The following MTOR variants were observed in gnomAD, a reference collection of about 807,000 sequenced individuals.
The protein encoded by MTOR is mechanistic target of rapamycin kinase.
A neutral mutation model predicts 319.8 loss-of-function variants in MTOR; 70 were observed. That is an observed-to-expected ratio of 0.22 (90% CI 0.18 to 0.27). The LOEUF (loss-of-function observed/expected upper bound fraction) is 0.27, where lower values mean the gene tolerates loss of function less well. Among genes scored for constraint, MTOR ranks in the 10% least tolerant of loss-of-function variants. The probability of loss-of-function intolerance (pLI) is 1.00; values close to 1 mark genes in which losing one functional copy is unlikely to be tolerated. For synonymous variants in MTOR, 1,183 were observed against 1,211.4 expected (o/e 0.98, Z 0.49); for missense variants, 1,890 against 3,274.4 (o/e 0.58, Z 10.32).
Position 11,209,452 on chromosome 1 carries a change from T to C in MTOR, c.3661A>G (p.Thr1221Ala), listed in dbSNP as rs964046734. ...GGATCCTCCTCTTCATCAGCAAGTG[T>C]GTATCCCTACAACCAAAGATTTATA... ...VLICRIVKGY[T>A]LADEEEDPLI... The change falls in exon 25 of 58, where the codon ACA becomes GCA. Residue 1221 changes from threonine (T) to alanine (A), a missense_variant. Thr to Ala is a moderately conservative substitution (Grantham distance 58). Coordinates refer to ENST00000361445, the MANE Select transcript of MTOR (RefSeq NM_004958.4). 2 of 1,614,034 alleles carry C rather than the reference T, an allele frequency of 1.2e-6. No homozygotes were observed. Among genetic ancestry groups the C allele is most frequent in the African/African-American group, 1.3e-5 (1 of 74,928 alleles).
At chr1:11,122,497 G>A (rs1409313430) in intron 47 of MTOR, among the ~76,000 whole-genome samples, 1 of 137,454 alleles carries the variant, frequency 7.3e-6, no homozygotes, top group Non-Finnish European at 1.5e-5. Context: ...ACTGCACCCA[G>A]CCCTATTTTT....
rs1311958242 is a variant in MTOR, at chr1:11,139,348, C to T, written c.5086G>A (p.Val1696Met). The T allele has an allele frequency of 6.2e-7, 1 of 1,613,178 alleles. No individual in the cohort carries two copies. ...ATGTTTTTCATGTAGGCATAGGTCA[C>T]CTGAGGGTGAACTGTTGGCAGAGGA... ...DHPLPTVHPQ[V>M]TYAYMKNMWK... Residue 1696 changes from valine to methionine, a missense_variant, in exon 36 of 58, where the codon GTG becomes ATG. Physicochemically the swap from Val to Met is conservative, Grantham distance 21. Around this residue, in one of 15 missense-constraint regions of MTOR, gnomAD observed 276 missense variants for 459.4 expected, o/e 0.60. Transcript: ENST00000361445.
chr1:11,119,905 C>A (rs12119863), intron 49 of MTOR, among the ~76,000 whole-genome samples: 8,845 of 151,624 alleles, frequency 0.058, 364 homozygotes, highest in South Asian at 0.12. Context: ...CCCATCGGAT[C>A]CCAAAATCTG....
In MTOR at chr1:11,127,255, A is replaced by C. The variant is rs1397862722; in HGVS notation, c.6217-111T>G. 1 of 1,459,724 alleles carries C rather than the reference A, an allele frequency of 6.9e-7. No individual in the cohort carries two copies. Among genetic ancestry groups the C allele is most frequent in the African/African-American group, 1.4e-5 (1 of 71,396 alleles). The allele number at this position is 1,459,724 out of a possible 1,614,324, so 90.4% of individuals were successfully genotyped here. Reference sequence around the variant, plus strand: ...CCTCAGGAGCCCGCTGTGGCCTGAAAACACTGGCAGGGGGCTGGAGAAAGC... The same window carrying C: ...CCTCAGGAGCCCGCTGTGGCCTGAACACACTGGCAGGGGGCTGGAGAAAGC... On this transcript the variant is annotated intron_variant, in intron 44 of 57. Coordinates refer to ENST00000361445, the MANE Select transcript of MTOR (RefSeq NM_004958.4). The surrounding 1 kb of genome is among the most constrained non-coding windows in gnomAD (Gnocchi z 5.5).
At chr1:11,179,020 GA>G (rs1447836067) in intron 28 of MTOR, among the ~76,000 whole-genome samples, 3 of 152,142 alleles carry the variant, frequency 2.0e-5, no homozygotes, top group Admixed American at 6.5e-5. Context: ...TGGGTTCAGG[GA>G]AAAGAAAAAA....
At chr1:11,239,434 C>G (rs773987862) in intron 11 of MTOR, among the ~76,000 whole-genome samples, 3 of 152,086 alleles carry the variant, frequency 2.0e-5, no homozygotes, top group Non-Finnish European at 4.4e-5. Flanking sequence ...GGGTGGCTGT[C>G]TCCAGACAGC....
At chr1:11,179,500 G>GA (rs1253724082) in intron 28 of MTOR, among the ~76,000 whole-genome samples, 1 of 152,232 alleles carries the variant, frequency 6.6e-6, no homozygotes, top group Admixed American at 6.5e-5. Flanking sequence ...GAAGGGTCTT[G>GA]TTTTGTAACA....
intron 28 of MTOR, among the ~76,000 whole-genome samples, chr1:11,183,187 A>T (rs1409146774): frequency 2.0e-5 from 3 of 152,098 alleles, no homozygotes; most frequent in Non-Finnish European, 4.4e-5. Flanking sequence ...TTTTATTATG[A>T]TTTAAATTTT....
chr1:11,163,972 T>C (rs1347683711), intron 29 of MTOR, among the ~76,000 whole-genome samples: 1 of 152,070 alleles, frequency 6.6e-6, no homozygotes, highest in Non-Finnish European at 1.5e-5. Context: ...AAAAAACCCT[T>C]CAAAAAATCA....
rs1650807519 is a variant in MTOR, at chr1:11,259,268, C to T, written c.142G>A (p.Val48Ile). Residue 48 changes from valine to isoleucine, a missense_variant, in exon 2 of 58, where the codon GTC (valine) becomes ATC (isoleucine). Transcript: ENST00000361445. Reference sequence around the variant, plus strand: ...AGCACCTCTCGGAGTTCCATGGTGACATAGTGCTGGAGCTCCTTGGCGGCT... The same window carrying T: ...AGCACCTCTCGGAGTTCCATGGTGATATAGTGCTGGAGCTCCTTGGCGGCT... ...AKAAKELQHY[V>I]TMELREMSQE... 6.2e-7 allele frequency: 1 copy of T among 1,613,950 alleles called. No homozygotes were observed. The highest frequency in any genetic ancestry group is 8.5e-7 in the Non-Finnish European group (1 of 1,179,918).
At chr1:11,166,160 C>G (rs1398957017) in intron 29 of MTOR, among the ~76,000 whole-genome samples, 3 of 152,300 alleles carry the variant, frequency 2.0e-5, no homozygotes, top group Non-Finnish European at 2.9e-5. Context: ...AAAACCTAGG[C>G]AATACCATTC....
intron 13 of MTOR, 51 bp downstream of exon 13, chr1:11,237,792 A>G (rs1211243319): frequency 1.3e-6 from 2 of 1,599,482 alleles, no homozygotes; most frequent in Non-Finnish European, 1.7e-6. Context: ...CAGTTCTCAC[A>G]GCGAGAGTCC....
rs749567829 is a variant in MTOR, at chr1:11,253,783, T to C, written c.840+56A>G. The stretch of plus-strand genomic sequence containing the variant: ...ATGAGGACATGGATCTCGCCTTGCC[T>C]CGCTCACAGAATGGTACACGGGGAG... On this transcript the variant is annotated intron_variant, in intron 6 of 57. Coordinates refer to ENST00000361445, the MANE Select transcript of MTOR (RefSeq NM_004958.4). 2.1e-4 allele frequency: 333 copies of C among 1,604,942 alleles called. 2 individuals are homozygous for C. The Middle Eastern group carries it at 6.6e-3, about 32-fold the overall frequency.
At chr1:11,147,858 G>A (rs1643989091) in intron 31 of MTOR, among the ~76,000 whole-genome samples, 1 of 152,192 alleles carries the variant, frequency 6.6e-6, no homozygotes, top group Non-Finnish European at 1.5e-5. Flanking sequence ...CTGGGGCCCA[G>A]TGTCAGAAAT....
Position 11,240,174 on chromosome 1 carries a change from G to A in MTOR, c.1786+129C>T, listed in dbSNP as rs756287171. ...CGTGGAAAGAGTCTAGGAAGGATGA[G>A]CTGCTACAGAATCAGCTACCCTGTC... On this transcript the variant is annotated intron_variant, in intron 11 of 57. Transcript: ENST00000361445. The A allele has an allele frequency of 3.3e-5, 42 of 1,271,694 alleles. No homozygotes were observed. In the Admixed American group the frequency reaches 5.3e-4, roughly 16 times the overall value. 78.8% of individuals were successfully genotyped at this position (1,271,694 alleles called of 1,614,324 possible).
At chr1:11,173,558 C>T (rs1041529834) in intron 28 of MTOR, among the ~76,000 whole-genome samples, 1 of 152,172 alleles carries the variant, frequency 6.6e-6, no homozygotes, top group African/African-American at 2.4e-5. Context: ...GTTAGGATTA[C>T]AGGCATGAGC....
chr1:11,190,134 C>T (rs1571115175), intron 28 of MTOR, among the ~76,000 whole-genome samples: 2 of 152,288 alleles, frequency 1.3e-5, no homozygotes, highest in South Asian at 4.1e-4. Context: ...TACCTAACAC[C>T]TTCACGGGTC....
intron 28 of MTOR, among the ~76,000 whole-genome samples, chr1:11,184,260 C>G (rs1488402345): frequency 2.6e-5 from 4 of 152,210 alleles, no homozygotes; most frequent in Non-Finnish European, 5.9e-5. Context: ...GGCCACACAG[C>G]AACCAAGTGC....
chr1:11,173,846 T>C (rs1393189240), intron 28 of MTOR, among the ~76,000 whole-genome samples: 1 of 152,236 alleles, frequency 6.6e-6, no homozygotes, highest in African/African-American at 2.4e-5. Flanking sequence ...GAGTCTGTTA[T>C]CTTGTTTGGG....
Sources: gnomAD v4.1 joint callset for allele counts (sites outside exome capture counted in the v4.1 genomes callset) on GRCh38, gnomAD v4.1.1 for gene constraint, gnomAD v4.1.1 regional missense constraint, Gnocchi (gnomAD v3.1) non-coding constraint, MANE v1.5 for transcripts, NCBI Gene and HGNC (gene_info 2026-07-23, HGNC 2026-07-21) for gene names.